Variants in CNTN4 observed in about 807,000 individuals in gnomAD.
CNTN4 encodes contactin-4.
A neutral mutation model predicts 122.5 loss-of-function variants in CNTN4; 77 were observed. That is an observed-to-expected ratio of 0.63 (90% CI 0.52 to 0.76). CNTN4 has a LOEUF of 0.76. Among genes scored for constraint, CNTN4 ranks in the 30% least tolerant of loss-of-function variants. The pLI, the probability that CNTN4 is intolerant of heterozygous loss-of-function variation, is 0.00. For missense variants in CNTN4, 1,256 were observed against 1,259.1 expected (o/e 1.00, Z 0.04); for synonymous variants, 512 against 447.0 (o/e 1.15, Z -1.83).
At chr3:3,039,515 T>G (rs1699947515) in intron 19 of CNTN4, 1 of 175,408 alleles carries the variant, frequency 5.7e-6, no homozygotes, top group Non-Finnish European at 1.2e-5. Context: ...GTTCTTCATG[T>G]TTTTGAAAGA....
chr3:2,579,311 C>T (rs958258188), intron 4 of CNTN4, among the ~76,000 whole-genome samples: 6 of 152,188 alleles, frequency 3.9e-5, no homozygotes, highest in East Asian at 1.9e-4. Context: ...CTAACGTCAA[C>T]CTGTGTGATC....
At chr3:2,638,403 G>C (rs1164706595) in intron 4 of CNTN4, among the ~76,000 whole-genome samples, 1 of 152,050 alleles carries the variant, frequency 6.6e-6, no homozygotes, top group East Asian at 1.9e-4. Flanking sequence ...ACCTCTTTAA[G>C]CCCTTAAAAT....
chr3:2,918,339 C>G (rs1489194507), intron 12 of CNTN4, among the ~76,000 whole-genome samples: 2 of 152,158 alleles, frequency 1.3e-5, no homozygotes, highest in African/African-American at 2.4e-5. Context: ...TTCTTACCTT[C>G]TCAGTCCTGG....
intron 3 of CNTN4, among the ~76,000 whole-genome samples, chr3:2,422,863 C>T (rs1057430468): frequency 3.3e-5 from 5 of 152,158 alleles, no homozygotes; most frequent in African/African-American, 1.2e-4. Flanking sequence ...TATAACATTT[C>T]CTGGAAATTA....
At chr3:2,457,580 C>T (rs759072490) in intron 3 of CNTN4, among the ~76,000 whole-genome samples, 8 of 152,036 alleles carry the variant, frequency 5.3e-5, no homozygotes, top group Non-Finnish European at 1.0e-4. Context: ...AATGGTTGGG[C>T]GCAGATTCCC....
rs192122506 is a variant in CNTN4, at chr3:2,919,027, C to A, written c.1208-6602C>A. The stretch of plus-strand genomic sequence containing the variant: ...GAAAGAGGCTCTTACTTGAATTATG[C>A]CAGAAGTCAGACAAAAGAAAGATTG... On this transcript the variant is annotated intron_variant, in intron 12 of 24. Transcript: ENST00000418658. 3.3e-5 allele frequency among the ~76,000 whole-genome samples: 5 copies of A among 151,706 alleles called. No individual in the cohort carries two copies. In the East Asian group the frequency reaches 7.8e-4, roughly 24 times the overall value.
chr3:2,768,401 A>T (rs2090953093), intron 6 of CNTN4, among the ~76,000 whole-genome samples: 1 of 152,236 alleles, frequency 6.6e-6, no homozygotes, highest in Admixed American at 6.5e-5. Context: ...GCTCAATATT[A>T]AATTTGTTAA....
chr3:2,287,328 A>G (rs1685439), intron 2 of CNTN4, among the ~76,000 whole-genome samples: 110,228 of 151,872 alleles, frequency 0.73, 40,244 homozygotes, highest in South Asian at 0.78. Flanking sequence ...GAGGCTGGGC[A>G]CAGTGGTGCA....
At chr3:2,959,334 TA>T (rs2094830190) in intron 13 of CNTN4, among the ~76,000 whole-genome samples, 1 of 152,334 alleles carries the variant, frequency 6.6e-6, no homozygotes, top group Non-Finnish European at 1.5e-5. Flanking sequence ...ATTTCCAGTT[TA>T]TGCTATCTAT....
At chr3:2,394,531 A>G (rs1015596290) in intron 3 of CNTN4, among the ~76,000 whole-genome samples, 9 of 152,200 alleles carry the variant, frequency 5.9e-5, no homozygotes, top group African/African-American at 1.9e-4. Context: ...ATGCCAATAT[A>G]TATCCACTGA....
intron 3 of CNTN4, among the ~76,000 whole-genome samples, chr3:2,354,798 AC>A (rs753584484): frequency 6.6e-6 from 1 of 152,166 alleles, no homozygotes; most frequent in Non-Finnish European, 1.5e-5. Flanking sequence ...TCTCCCTGCC[AC>A]CTACTCTTCC....
intron 2 of CNTN4, among the ~76,000 whole-genome samples, chr3:2,318,632 T>A (rs974738693): frequency 7.2e-5 from 11 of 152,030 alleles, no homozygotes; most frequent in Non-Finnish European, 1.5e-4. Flanking sequence ...TCTGGTTTTT[T>A]TGTGTGTATG....
chr3:2,443,853 A>G (rs1401825594), intron 3 of CNTN4, among the ~76,000 whole-genome samples: 5 of 152,092 alleles, frequency 3.3e-5, no homozygotes, highest in African/African-American at 1.2e-4. Context: ...TAACTTTACT[A>G]TCCAGCTGAT....
At chr3:3,014,807 A>AT (rs1697584931) in intron 14 of CNTN4, among the ~76,000 whole-genome samples, 1 of 151,576 alleles carries the variant, frequency 6.6e-6, no homozygotes, top group Non-Finnish European at 1.5e-5. Flanking sequence ...TTTAAAAGAC[A>AT]TGAAAAGTTG....
At chr3:2,745,753 A>G in intron 6 of CNTN4, 56 bp downstream of exon 6, 1 of 1,495,424 alleles carries the variant, frequency 6.7e-7, no homozygotes, top group Non-Finnish European at 9.3e-7. Context: ...GTACCATTAT[A>G]CCAATAAGCT....
intron 3 of CNTN4, among the ~76,000 whole-genome samples, chr3:2,397,552 C>T (rs1345564361): frequency 6.6e-6 from 1 of 151,872 alleles, no homozygotes; most frequent in African/African-American, 2.4e-5. Context: ...ATACATACAT[C>T]TGATTGTATC....
intron 12 of CNTN4, among the ~76,000 whole-genome samples, chr3:2,906,490 TA>T (rs1559646662): frequency 6.6e-6 from 1 of 151,444 alleles, no homozygotes; most frequent in African/African-American, 2.4e-5. Context: ...ATAAAAAAAA[TA>T]AAAATTTTGA....
At chr3:2,798,468 G>T (rs1222006443) in intron 6 of CNTN4, among the ~76,000 whole-genome samples, 1 of 150,744 alleles carries the variant, frequency 6.6e-6, no homozygotes, top group Non-Finnish European at 1.5e-5. Context: ...CCATATCTTT[G>T]CTATTGTGAA....
rs543486386 is a variant in CNTN4 at position 2,174,033 on chromosome 3, A to G, written c.-145+73394A>G. 2.4e-4 allele frequency among the ~76,000 whole-genome samples: 37 copies of G among 152,286 alleles called. 1 individual carries two copies. The South Asian group carries it at 6.4e-3, about 26-fold the overall frequency. On this transcript the variant is annotated intron_variant, in intron 2 of 24. Coordinates refer to ENST00000418658, the MANE Select transcript of CNTN4 (RefSeq NM_175607.3). ...TTTGCATCCCTCTAGCATATTTTAC[A>G]AGCAGCATCAGGTACAAGCTAAATG... is the stretch of plus-strand genomic sequence containing the variant.
Sources: gnomAD v4.1 joint callset for allele counts (sites outside exome capture counted in the v4.1 genomes callset) on GRCh38, gnomAD v4.1.1 for gene constraint, MANE v1.5 for transcripts, NCBI Gene and HGNC (gene_info 2026-07-23, HGNC 2026-07-21) for gene names.